Variants in MET observed in about 807,000 individuals in gnomAD.
The protein encoded by MET is MET proto-oncogene, receptor tyrosine kinase.
In MET, 48 loss-of-function variants were observed where a neutral mutation model predicts 133.1. The ratio of observed to expected loss-of-function variants is 0.36; its 90% CI spans 0.29 to 0.46. The LOEUF (loss-of-function observed/expected upper bound fraction) is 0.46, where lower values mean the gene tolerates loss of function less well. Among genes scored for constraint, MET ranks in the 20% least tolerant of loss-of-function variants. MET has a pLI of 1.00. For missense variants in MET, 1,442 were observed against 1,695.9 expected, an observed-to-expected ratio of 0.85 and a Z score of 2.63; for synonymous variants, 628 against 616.5, an observed-to-expected ratio of 1.02 and a Z score of -0.28.
chr7:116,730,018 A>C (rs1792941060), intron 2 of MET, among the ~76,000 whole-genome samples: 1 of 152,144 alleles, frequency 6.6e-6, no homozygotes, highest in Non-Finnish European at 1.5e-5. Flanking sequence ...ACGCAAGCAA[A>C]TGTTATGTTG....
In MET at chr7:116,771,561, A is replaced by G; in HGVS notation, c.2794A>G (p.Thr932Ala). The G allele has an allele frequency of 1.9e-6, 3 of 1,613,956 alleles. No homozygotes were observed. Among genetic ancestry groups the G allele is most frequent in the Non-Finnish European group, 2.5e-6 (3 of 1,179,842 alleles). Residue 932 changes from threonine (T) to alanine (A), a missense_variant, in exon 13 of 21, where the codon ACA becomes GCA. Around this residue, in one of 6 missense-constraint regions of MET, gnomAD observed 514 missense variants for 659.6 expected, o/e 0.78. Transcript: ENST00000397752. ...AATAGTTCAACCAGATCAGAATTTC[A>G]CAGGATTGATTGCTGGTGTTGTCTC... ...KVIVQPDQNF[T>A]GLIAGVVSIS... is the part of the protein sequence containing the mutation.
chr7:116,682,692 T>C (rs546135716), intron 1 of MET, among the ~76,000 whole-genome samples: 55 of 152,310 alleles, frequency 3.6e-4, no homozygotes, highest in African/African-American at 1.3e-3. Context: ...TGAACTTTCA[T>C]TCTTGTTTTG....
rs370170168 is a variant in MET at position 116,699,665 on chromosome 7, A to C, written c.581A>C (p.Asn194Thr). 2.5e-6 allele frequency: 4 copies of C among 1,614,014 alleles called. No individual in the cohort carries two copies. The African/African-American group carries it at 4.0e-5, about 16-fold the overall frequency. ...VLSSVKDRFI[N>T]FFVGNTINSS... ...TCATCTGTAAAGGACCGGTTCATCA[A>C]CTTCTTTGTAGGCAATACCATAAAT... The change falls in exon 2 of 21, where the codon AAC becomes ACC. Residue 194 changes from asparagine to threonine, a missense_variant. Coordinates refer to ENST00000397752, the MANE Select transcript of MET (RefSeq NM_000245.4).
rs115240747 is a variant in MET, at chr7:116,783,266, A to G, written c.3633-38A>G. On this transcript the variant is annotated intron_variant, in intron 18 of 20. Coordinates refer to ENST00000397752, the MANE Select transcript of MET (RefSeq NM_000245.4). ...ATTCAGCATCATTGTAAATTATTCTATTTCAGCCACGGGTAATAATTTTTG... is the reference window on the plus strand; with the variant it reads ...ATTCAGCATCATTGTAAATTATTCTGTTTCAGCCACGGGTAATAATTTTTG... The G allele has an allele frequency of 4.2e-3, 6,784 of 1,612,772 alleles. 241 individuals are homozygous for G. The African/African-American group carries it at 0.078, about 18-fold the overall frequency.
At chr7:116,681,453 G>A (rs1397073927) in intron 1 of MET, among the ~76,000 whole-genome samples, 4 of 152,146 alleles carry the variant, frequency 2.6e-5, no homozygotes, top group Non-Finnish European at 5.9e-5. Context: ...CTTTTCCACT[G>A]GGATATTGTC....
intron 19 of MET, among the ~76,000 whole-genome samples, chr7:116,787,281 G>T (rs912277596): frequency 6.6e-6 from 1 of 152,174 alleles, no homozygotes; most frequent in African/African-American, 2.4e-5. Flanking sequence ...AGAACATACT[G>T]TTCATTCAGA....
chr7:116,757,219 C>G (rs994433716), intron 6 of MET, among the ~76,000 whole-genome samples: 6 of 152,108 alleles, frequency 3.9e-5, no homozygotes, highest in African/African-American at 1.4e-4. Flanking sequence ...GGTGACAGAG[C>G]AAGATCCTGT....
intron 3 of MET, 112 bp downstream of exon 3, chr7:116,731,971 A>G (rs1464512782): frequency 9.6e-7 from 1 of 1,038,254 alleles, no homozygotes; most frequent in African/African-American, 1.6e-5. Context: ...AAATCATAGT[A>G]GAAACTGGAA....
intron 6 of MET, among the ~76,000 whole-genome samples, chr7:116,756,566 C>G (rs1794184392): frequency 6.6e-6 from 1 of 152,162 alleles, no homozygotes; most frequent in Admixed American, 6.5e-5. Context: ...AAGCATAATT[C>G]ATTCTCTCCT....
At chr7:116,713,686 C>T (rs922457335) in intron 2 of MET, among the ~76,000 whole-genome samples, 3 of 152,028 alleles carry the variant, frequency 2.0e-5, no homozygotes, top group Non-Finnish European at 4.4e-5. Context: ...TCTCACTCCA[C>T]GGTGGCAAGA....
Position 116,778,945 on chromosome 7 carries a change from A to C in MET, c.3510A>C (p.Arg1170=). 1 of 1,613,816 alleles carries C rather than the reference A, an allele frequency of 6.2e-7. No homozygotes were observed. The highest frequency in any genetic ancestry group is 1.1e-5 in the South Asian group (1 of 91,050). Residue 1170 remains arginine (R), a synonymous_variant, in exon 17 of 21, where the codon CGA becomes CGC. Transcript: ENST00000397752. ...MKHGDLRNFI[R]NETHNPTVKD... is the part of the protein sequence containing the mutation. ...ATGGAGATCTTCGAAATTTCATTCGAAATGAGACTCATGTAAGTTGACTGC... is the reference window on the plus strand; with the variant it reads ...ATGGAGATCTTCGAAATTTCATTCGCAATGAGACTCATGTAAGTTGACTGC...
intron 5 of MET, among the ~76,000 whole-genome samples, chr7:116,744,316 C>CT (rs1335587346): frequency 6.6e-6 from 1 of 151,884 alleles, no homozygotes; most frequent in Non-Finnish European, 1.5e-5. Flanking sequence ...GAATTGCTAA[C>CT]TAGAATAACC....
At chr7:116,741,591 G>C (rs1376607159) in intron 5 of MET, among the ~76,000 whole-genome samples, 2 of 152,190 alleles carry the variant, frequency 1.3e-5, no homozygotes, top group Non-Finnish European at 2.9e-5. Flanking sequence ...GGCCTTGTCT[G>C]TTCACAGATG....
chr7:116,684,202 C>T (rs1322186460), intron 1 of MET, among the ~76,000 whole-genome samples: 2 of 152,254 alleles, frequency 1.3e-5, no homozygotes, highest in Admixed American at 6.5e-5. Context: ...GTCTCCTCTA[C>T]AATCAAAATC....
Position 116,755,417 on chromosome 7 carries a change from T to C in MET, c.1764T>C (p.Phe588=), listed in dbSNP as rs2116909571. 1.2e-6 allele frequency: 2 copies of C among 1,614,156 alleles called. No homozygotes were observed. The highest frequency in any genetic ancestry group is 1.7e-6 in the Non-Finnish European group (2 of 1,180,022). The change falls in exon 6 of 21, where the codon TTT becomes TTC. Residue 588 remains phenylalanine, a synonymous_variant. Transcript: ENST00000397752. The stretch of plus-strand genomic sequence containing the variant: ...GGCTGACCATATGTGGCTGGGACTT[T>C]GGATTTCGGAGGAATAATAAATTTG... ...GTRLTICGWD[F]GFRRNNKFDL... is the part of the protein sequence containing the mutation.
chr7:116,716,590 C>T (rs190096796), intron 2 of MET, among the ~76,000 whole-genome samples: 6 of 152,142 alleles, frequency 3.9e-5, no homozygotes, highest in East Asian at 3.9e-4. Flanking sequence ...CTCAAACTTA[C>T]GGAGAGGGTA....
chr7:116,744,871 G>C (rs1421189692), intron 5 of MET, among the ~76,000 whole-genome samples: 1 of 152,200 alleles, frequency 6.6e-6, no homozygotes, highest in Non-Finnish European at 1.5e-5. Flanking sequence ...ACAGACACAA[G>C]ACAGGGATGC....
At chr7:116,708,841 C>T (rs1791891719) in intron 2 of MET, among the ~76,000 whole-genome samples, 1 of 152,036 alleles carries the variant, frequency 6.6e-6, no homozygotes, top group Admixed American at 6.6e-5. Flanking sequence ...GGGGATTGTC[C>T]TTTTACCAAT....
intron 3 of MET, among the ~76,000 whole-genome samples, chr7:116,734,958 A>G (rs1325580866): frequency 6.6e-6 from 1 of 152,206 alleles, no homozygotes. Flanking sequence ...CAGCACTTGT[A>G]TAAGGCTTTT....
Sources: gnomAD v4.1 joint callset for allele counts (sites outside exome capture counted in the v4.1 genomes callset) on GRCh38, gnomAD v4.1.1 for gene constraint, gnomAD v4.1.1 regional missense constraint, MANE v1.5 for transcripts, NCBI Gene and HGNC (gene_info 2026-07-23, HGNC 2026-07-21) for gene names.